The following DBT variants were observed in gnomAD, a reference collection of about 807,000 sequenced individuals.
DBT encodes the protein lipoamide acyltransferase component of branched-chain alpha-keto acid dehydrogenase complex, mitochondrial.
A neutral mutation model predicts 51.3 loss-of-function variants in DBT; 40 were observed. That is an observed-to-expected ratio of 0.78 (90% CI 0.61 to 1.02). The LOEUF is 1.02. Ranked by LOEUF, DBT falls within the 50% of genes least tolerant of loss-of-function variation. The probability of loss-of-function intolerance (pLI) is 0.00; values close to 1 mark genes in which losing one functional copy is unlikely to be tolerated. For missense variants in DBT, 510 were observed against 580.2 expected, an observed-to-expected ratio of 0.88 and a Z score of 1.24; for synonymous variants, 181 against 190.4, an observed-to-expected ratio of 0.95 and a Z score of 0.41.
intron 3 of DBT, among the ~76,000 whole-genome samples, chr1:100,233,973 G>A (rs958097479): frequency 6.6e-6 from 1 of 152,216 alleles, no homozygotes; most frequent in Non-Finnish European, 1.5e-5. Flanking sequence ...TAGGAGCTAA[G>A]AACATAAAGT....
At chr1:100,238,926 GAA>G (rs1462258550) in intron 2 of DBT, among the ~76,000 whole-genome samples, 3 of 152,122 alleles carry the variant, frequency 2.0e-5, no homozygotes, top group African/African-American at 7.2e-5. Context: ...ATGAAAAACT[GAA>G]GTTTAAAAGA....
chr1:100,224,136 T>G (rs1348919780), intron 4 of DBT, among the ~76,000 whole-genome samples: 1 of 152,212 alleles, frequency 6.6e-6, no homozygotes, highest in Non-Finnish European at 1.5e-5. Context: ...ATACTACTAT[T>G]AAGATGTCTA....
intron 5 of DBT, among the ~76,000 whole-genome samples, 154 bp from the exon 6 acceptor site, chr1:100,216,353 T>C (rs1411576018): frequency 6.6e-6 from 1 of 152,238 alleles, no homozygotes; most frequent in African/African-American, 2.4e-5. Context: ...AAGTAATCAT[T>C]ACTTTTGTAT....
At position 100,198,919 on chromosome 1, in the gene DBT, A is replaced by G. The variant is rs578125250; in HGVS notation, c.1282-2497T>C. On this transcript the variant is annotated intron_variant, in intron 10 of 10. Coordinates refer to ENST00000370132, the MANE Select transcript of DBT (RefSeq NM_001918.5). ...CAGAGATGTTCAACATGGAAGCATT[A>G]TAAGTGTAGAAAAGAAAGGCTCTTC... Among the ~76,000 whole-genome samples, 10 of 152,366 alleles carry G rather than the reference A, an allele frequency of 6.6e-5. No homozygotes were observed. In the South Asian group the frequency reaches 1.0e-3, roughly 16 times the overall value.
intron 1 of DBT, among the ~76,000 whole-genome samples, chr1:100,246,870 T>C (rs1190791261): frequency 6.6e-6 from 1 of 152,194 alleles, no homozygotes; most frequent in Non-Finnish European, 1.5e-5. Context: ...GAGAAAGTTA[T>C]GTTGAAGTAA....
intron 1 of DBT, among the ~76,000 whole-genome samples, chr1:100,248,063 C>T (rs1664649988): frequency 1.3e-5 from 2 of 149,444 alleles, no homozygotes; most frequent in South Asian, 4.2e-4. Flanking sequence ...GATCGCACCA[C>T]TGTACTCCAG....
intron 7 of DBT, chr1:100,213,700 C>T (rs1049491575): frequency 3.1e-6 from 5 of 1,595,950 alleles, no homozygotes; most frequent in African/African-American, 1.3e-5. Flanking sequence ...CTTTCCTACA[C>T]CCAGCTCTCT....
At chr1:100,245,406 T>A (rs1664477601) in intron 1 of DBT, among the ~76,000 whole-genome samples, 1 of 152,148 alleles carries the variant, frequency 6.6e-6, no homozygotes, top group Non-Finnish European at 1.5e-5. Flanking sequence ...GGCATGCTTA[T>A]GGAATTATCA....
chr1:100,233,961 T>C (rs1040118637), intron 3 of DBT, among the ~76,000 whole-genome samples: 3 of 152,196 alleles, frequency 2.0e-5, no homozygotes, highest in Non-Finnish European at 2.9e-5. Context: ...TAGGCTAAAT[T>C]GTAGGAGCTA....
chr1:100,244,467 G>A (rs1237015826), intron 1 of DBT, among the ~76,000 whole-genome samples: 1 of 152,130 alleles, frequency 6.6e-6, no homozygotes, highest in Non-Finnish European at 1.5e-5. Context: ...AAAATCTGGA[G>A]AGAAAGGGAG....
At chr1:100,234,770 T>A (rs1433507743) in intron 3 of DBT, among the ~76,000 whole-genome samples, 1 of 152,196 alleles carries the variant, frequency 6.6e-6, no homozygotes. Context: ...TTTATGTTAT[T>A]ACAGTTCTCT....
Position 100,235,486 on chromosome 1 carries a change from G to A in DBT, c.201C>T (p.Phe67=), listed in dbSNP as rs142613366. 1.3e-6 allele frequency: 2 copies of A among 1,594,550 alleles called. No individual in the cohort carries two copies. Among genetic ancestry groups the A allele is most frequent in the Admixed American group, 1.7e-5 (1 of 59,926 alleles). Residue 67 remains phenylalanine (F), a synonymous_variant, in exon 3 of 11, where the codon TTC becomes TTT. Coordinates refer to ENST00000370132, the MANE Select transcript of DBT (RefSeq NM_001918.5). The stretch of plus-strand genomic sequence containing the variant: ...TCCCTTCTCCAATGTCTGAGAGCTT[G>A]AACTGAACAACCTGTCCACGGAGAG... ...TAALRGQVVQ[F]KLSDIGEGIR...
intron 8 of DBT, among the ~76,000 whole-genome samples, chr1:100,207,916 A>G (rs1390515732): frequency 1.3e-5 from 2 of 152,152 alleles, no homozygotes; most frequent in Non-Finnish European, 1.5e-5. Flanking sequence ...GCGGATCACG[A>G]GGTCAGGAGA....
intron 2 of DBT, 94 bp from the exon 3 acceptor site, chr1:100,235,605 A>T: frequency 1.4e-6 from 1 of 699,460 alleles, no homozygotes; most frequent in South Asian, 1.9e-5. Context: ...TCTCAGGCAG[A>T]GGCAGAAATT....
chr1:100,209,264 A>C (rs917924702), intron 8 of DBT, among the ~76,000 whole-genome samples: 5 of 151,220 alleles, frequency 3.3e-5, no homozygotes, highest in African/African-American at 1.2e-4. Flanking sequence ...ATGCCTGGCT[A>C]ATTTTTTTTT....
chr1:100,216,615 C>A lies in DBT; in HGVS notation c.556-416G>T, dbSNP rs371265338. The stretch of plus-strand genomic sequence containing the variant: ...TTTTTATACTCAAGTATTTTAAAAT[C>A]TCTTGCATAATTCTTACTCGACCTT... On this transcript the variant is annotated intron_variant, in intron 5 of 10. Coordinates refer to ENST00000370132, the MANE Select transcript of DBT (RefSeq NM_001918.5). Among the ~76,000 whole-genome samples the A allele has an allele frequency of 7.2e-5, 11 of 152,254 alleles. No individual in the cohort carries two copies. In the East Asian group the frequency reaches 1.9e-3, roughly 27 times the overall value.
In DBT at chr1:100,188,659, G is replaced by A. The variant is rs990705798; in HGVS notation, c.*7596C>T. On this transcript the variant is annotated 3_prime_UTR_variant, in exon 11 of 11. Coordinates refer to ENST00000370132, the MANE Select transcript of DBT (RefSeq NM_001918.5). ...AACCTAAATTATTGATCTTCCACCT[G>A]TTCTCATTTCTTCTGTCCTGTCTCT... 2.6e-5 allele frequency: 4 copies of A among 152,056 alleles called. No homozygotes were observed. The East Asian group carries it at 7.7e-4, about 29-fold the overall frequency. 9.4% of individuals were successfully genotyped at this position (152,056 alleles called of 1,614,324 possible). A position where few individuals can be genotyped will look rare whatever the true frequency, so the allele number is the denominator to read the frequency against.
At position 100,235,456 on chromosome 1, in the gene DBT, T is replaced by A. The variant is rs1028461413; in HGVS notation, c.231A>T (p.Arg77Ser). Reference protein sequence around the residue: ...FKLSDIGEGIREVTVKEWYVK... With the variant: ...FKLSDIGEGISEVTVKEWYVK... ...CTTACCATTCTTTAACAGTTACTTC[T>A]CTAATCCCTTCTCCAATGTCTGAGA... Residue 77 changes from arginine (R) to serine (S), a missense_variant, in exon 3 of 11, where the codon AGA becomes AGT. Coordinates refer to ENST00000370132, the MANE Select transcript of DBT (RefSeq NM_001918.5). The A allele has an allele frequency of 1.3e-6, 2 of 1,577,420 alleles. No individual in the cohort carries two copies.
chr1:100,240,299 A>G (rs1218615525), intron 2 of DBT, among the ~76,000 whole-genome samples: 1 of 152,188 alleles, frequency 6.6e-6, no homozygotes, highest in African/African-American at 2.4e-5. Flanking sequence ...AGTCATATCA[A>G]TGCTGACTAT....
Sources: allele counts gnomAD v4.1 joint callset (sites outside exome capture counted in the v4.1 genomes callset), GRCh38; gene constraint gnomAD v4.1.1; transcripts MANE v1.5; gene names NCBI Gene and HGNC (gene_info 2026-07-23, HGNC 2026-07-21).